The following ATP8A2 variants were observed in gnomAD, a reference collection of about 807,000 sequenced individuals.
ATP8A2 encodes the protein phospholipid-transporting ATPase IB.
Under a neutral mutation model 165.6 loss-of-function variants are expected in ATP8A2, and 100 were observed. The ratio of observed to expected loss-of-function variants is 0.60; its 90% CI spans 0.51 to 0.71. The LOEUF is 0.71. Among genes scored for constraint, ATP8A2 ranks in the 30% least tolerant of loss-of-function variants. The probability of loss-of-function intolerance (pLI) is 0.00; values close to 1 mark genes in which losing one functional copy is unlikely to be tolerated. For missense variants in ATP8A2, 1,227 were observed against 1,479.5 expected (o/e 0.83, Z 2.80); for synonymous variants, 543 against 548.8 (o/e 0.99, Z 0.15).
chr13:25,577,522 C>T (rs1254404229), intron 20 of ATP8A2, among the ~76,000 whole-genome samples: 1 of 152,032 alleles, frequency 6.6e-6, no homozygotes, highest in Non-Finnish European at 1.5e-5. Flanking sequence ...TCTCTAGCAC[C>T]TCTTCTTCTC....
chr13:25,896,244 A>G (rs1032662903), intron 33 of ATP8A2, among the ~76,000 whole-genome samples: 2 of 152,082 alleles, frequency 1.3e-5, no homozygotes, highest in Admixed American at 6.5e-5. Flanking sequence ...CTTTGTTCTC[A>G]TTGGTTTCAA....
intron 33 of ATP8A2, among the ~76,000 whole-genome samples, chr13:25,888,068 ACC>A (rs71080210): frequency 1.9e-5 from 2 of 105,580 alleles, no homozygotes; most frequent in African/African-American, 6.7e-5. Context: ...AAGAACCCAG[ACC>A]CCCCCCCCGC....
At chr13:25,651,490 T>TAC (rs1370595806) in intron 24 of ATP8A2, among the ~76,000 whole-genome samples, 1 of 152,124 alleles carries the variant, frequency 6.6e-6, no homozygotes, top group African/African-American at 2.4e-5. Flanking sequence ...GTCAGGCTGT[T>TAC]ATAGTAAGCT....
At position 25,769,051 on chromosome 13, in the gene ATP8A2, C is replaced by A. The variant is rs757796331; in HGVS notation, c.2390C>A (p.Ser797Tyr). ...SCKAVICCRV[S>Y]PLQKSEIVDV... is the part of the protein sequence containing the mutation. ...TTCCCTCTCTTTTCTCACAGAGTGTCTCCTCTGCAGAAGTCTGAGATAGTG... is the reference window on the plus strand; with the variant it reads ...TTCCCTCTCTTTTCTCACAGAGTGTATCCTCTGCAGAAGTCTGAGATAGTG... Residue 797 changes from serine (S) to tyrosine (Y), a missense_variant, in exon 26 of 37, where the codon TCT becomes TAT. By Grantham distance (144) the Ser-to-Tyr change is moderately radical. Coordinates refer to ENST00000381655, the MANE Select transcript of ATP8A2 (RefSeq NM_016529.6). The A allele has an allele frequency of 1.2e-6, 2 of 1,614,046 alleles. No individual in the cohort carries two copies. The highest frequency in any genetic ancestry group is 8.5e-7 in the Non-Finnish European group (1 of 1,179,920).
intron 2 of ATP8A2, among the ~76,000 whole-genome samples, chr13:25,512,689 C>A (rs1326251456): frequency 7.1e-6 from 1 of 140,200 alleles, no homozygotes; most frequent in South Asian, 2.3e-4. Context: ...GGGGGGCTGA[C>A]CCCCCAACCT....
intron 1 of ATP8A2, among the ~76,000 whole-genome samples, chr13:25,379,346 A>G (rs1014582485): frequency 6.6e-6 from 1 of 152,238 alleles, no homozygotes; most frequent in Non-Finnish European, 1.5e-5. Flanking sequence ...AAACTACTCC[A>G]TGGAGTGAGT....
chr13:25,912,554 CA>C (rs1954146719), intron 33 of ATP8A2, among the ~76,000 whole-genome samples: 1 of 152,064 alleles, frequency 6.6e-6, no homozygotes, highest in Non-Finnish European at 1.5e-5. Context: ...GTTCTCTCCA[CA>C]AAAAGATGCG....
chr13:26,003,954 T>C (rs1956687570), intron 35 of ATP8A2, among the ~76,000 whole-genome samples: 1 of 152,162 alleles, frequency 6.6e-6, no homozygotes, highest in Non-Finnish European at 1.5e-5. Flanking sequence ...GGGAGTGTGA[T>C]GCCTTCAGCC....
At chr13:25,649,075 A>G (rs911153100) in intron 24 of ATP8A2, 4 of 491,814 alleles carry the variant, frequency 8.1e-6, no homozygotes, top group Non-Finnish European at 1.6e-5. Flanking sequence ...TCCTGAGTCC[A>G]TGTAATCCTT....
At chr13:25,958,799 A>G (rs1248993514) in intron 33 of ATP8A2, among the ~76,000 whole-genome samples, 1 of 152,226 alleles carries the variant, frequency 6.6e-6, no homozygotes, top group African/African-American at 2.4e-5. Context: ...AAGTCTTCAT[A>G]TAACCTTTAT....
At chr13:25,906,761 AG>A (rs982201273) in intron 33 of ATP8A2, among the ~76,000 whole-genome samples, 6 of 152,220 alleles carry the variant, frequency 3.9e-5, no homozygotes, top group African/African-American at 1.4e-4. Flanking sequence ...CACTTTATTA[AG>A]CAAGCCTAAA....
intron 10 of ATP8A2, among the ~76,000 whole-genome samples, chr13:25,550,961 G>A (rs1385032697): frequency 1.3e-5 from 2 of 152,100 alleles, no homozygotes; most frequent in Admixed American, 6.5e-5. Context: ...GATTTTTATG[G>A]TATGGAATGT....
At chr13:25,931,658 A>T (rs1415036485) in intron 33 of ATP8A2, among the ~76,000 whole-genome samples, 1 of 152,182 alleles carries the variant, frequency 6.6e-6, no homozygotes, top group African/African-American at 2.4e-5. Context: ...AAATGGAAGT[A>T]AATTAGAAGG....
chr13:25,965,596 C>A (rs1454607531), intron 34 of ATP8A2, among the ~76,000 whole-genome samples: 1 of 152,204 alleles, frequency 6.6e-6, no homozygotes, highest in African/African-American at 2.4e-5. Flanking sequence ...TATCCCTGCG[C>A]TTATATTCAT....
At chr13:25,762,789 GA>G (rs1376149166) in intron 25 of ATP8A2, among the ~76,000 whole-genome samples, 1 of 152,142 alleles carries the variant, frequency 6.6e-6, no homozygotes, top group East Asian at 1.9e-4. Context: ...AGGTTAGAGA[GA>G]AAAACATATT....
intron 1 of ATP8A2, among the ~76,000 whole-genome samples, chr13:25,396,472 T>A (rs1005494553): frequency 6.6e-6 from 1 of 152,050 alleles, no homozygotes; most frequent in Non-Finnish European, 1.5e-5. Context: ...TGAGAGACAA[T>A]AGGGCAAAAG....
At chr13:25,701,532 C>T (rs9551220) in intron 25 of ATP8A2, among the ~76,000 whole-genome samples, 30,308 of 151,934 alleles carry the variant, frequency 0.2, 3,186 homozygotes, top group Admixed American at 0.25. Context: ...CCCCCTGACT[C>T]GCTGGTGGAC....
chr13:25,676,788 A>G (rs756670208), intron 24 of ATP8A2, among the ~76,000 whole-genome samples: 1 of 152,188 alleles, frequency 6.6e-6, no homozygotes, highest in Non-Finnish European at 1.5e-5. Context: ...ATAACAGAGA[A>G]TACAGGCCAG....
chr13:25,801,395 T>G (rs891449684), intron 27 of ATP8A2, among the ~76,000 whole-genome samples: 5 of 152,176 alleles, frequency 3.3e-5, no homozygotes, highest in African/African-American at 9.7e-5. Flanking sequence ...TGCCCCACGG[T>G]TCTGGCCCGC....
Sources: allele counts gnomAD v4.1 joint callset (sites outside exome capture counted in the v4.1 genomes callset), GRCh38; gene constraint gnomAD v4.1.1; transcripts MANE v1.5; gene names NCBI Gene and HGNC (gene_info 2026-07-23, HGNC 2026-07-21).